PSMD5: variants seen among roughly 807,000 people sequenced by gnomAD.
PSMD5 encodes 26S proteasome non-ATPase regulatory subunit 5.
PSMD5 carries 40 observed loss-of-function variants against 52.1 expected under a neutral mutation model. The observed-to-expected ratio is 0.77, with a 90% CI of 0.60 to 1.00. The LOEUF is 1.00. Among genes scored for constraint, PSMD5 ranks in the 50% least tolerant of loss-of-function variants. PSMD5 has a pLI of 0.00. For synonymous variants in PSMD5, 211 were observed against 226.6 expected (o/e 0.93, Z 0.62); for missense variants, 575 against 605.2 (o/e 0.95, Z 0.52).
chr9:120,819,651 A>G (rs1239793830), intron 9 of PSMD5, among the ~76,000 whole-genome samples: 3 of 152,222 alleles, frequency 2.0e-5, no homozygotes, highest in Middle Eastern at 3.4e-3. Flanking sequence ...TGGCTAACAC[A>G]GTGAAACCCC....
intron 1 of PSMD5, among the ~76,000 whole-genome samples, chr9:120,837,015 G>A (rs1267245897): frequency 2.0e-5 from 3 of 151,152 alleles, no homozygotes; most frequent in South Asian, 2.1e-4. Flanking sequence ...TCAGCCTCCC[G>A]AGTAGCTGGG....
At chr9:120,818,878 C>T (rs1183289278) in intron 9 of PSMD5, among the ~76,000 whole-genome samples, 1 of 151,910 alleles carries the variant, frequency 6.6e-6, no homozygotes, top group Admixed American at 6.6e-5. Context: ...TTTAAGGATA[C>T]ACACAATATG....
intron 1 of PSMD5, 117 bp from the exon 2 acceptor site, chr9:120,833,573 A>T: frequency 9.3e-7 from 1 of 1,076,168 alleles, no homozygotes; most frequent in South Asian, 1.6e-5. Context: ...TTTTTGAAAC[A>T]GCAGCTTTCA....
At position 120,827,268 on chromosome 9, in the gene PSMD5, AT is replaced by A. The variant is rs1393677931; in HGVS notation, c.672-362del. On this transcript the variant is annotated intron_variant, in intron 5 of 9. Transcript: ENST00000210313. ...TAAGCCCCCATATACACATAACCTG[AT>A]TTTATGGTTATGAAGATTTTGCTTT... Among the ~76,000 whole-genome samples the A allele has an allele frequency of 3.4e-4, 51 of 152,208 alleles. 1 individual carries two copies. Among genetic ancestry groups the A allele is most frequent in the Admixed American group, 2.7e-3 (41 of 15,270 alleles).
intron 1 of PSMD5, among the ~76,000 whole-genome samples, chr9:120,836,777 C>T (rs2045200914): frequency 6.6e-6 from 1 of 152,056 alleles, no homozygotes; most frequent in African/African-American, 2.4e-5. Flanking sequence ...TTTGAAAGCT[C>T]CTTACATATT....
chr9:120,835,600 C>T (rs1039044916), intron 1 of PSMD5, among the ~76,000 whole-genome samples: 12 of 151,978 alleles, frequency 7.9e-5, no homozygotes, highest in Admixed American at 3.9e-4. Context: ...TGGTAGTGGG[C>T]GCCTGTAATC....
chr9:120,842,568 T>C, intron 1 of PSMD5, 169 bp downstream of exon 1: 2 of 822,816 alleles, frequency 2.4e-6, no homozygotes, highest in Non-Finnish European at 3.7e-6. Flanking sequence ...AGGCTGAACC[T>C]GAACCCCATC....
At chr9:120,837,215 G>C (rs113192766) in intron 1 of PSMD5, among the ~76,000 whole-genome samples, 2 of 152,092 alleles carry the variant, frequency 1.3e-5, no homozygotes, top group African/African-American at 4.8e-5. Context: ...GTAGAGACAG[G>C]GTTTCACCAT....
At chr9:120,842,189 G>C (rs188294065) in intron 1 of PSMD5, 1 of 155,114 alleles carries the variant, frequency 6.4e-6, no homozygotes, top group African/African-American at 2.4e-5. Context: ...TCTCGGGAAG[G>C]TTTGAAGCAC....
chr9:120,840,930 T>A (rs1040069644), intron 1 of PSMD5, among the ~76,000 whole-genome samples: 1 of 151,998 alleles, frequency 6.6e-6, no homozygotes, highest in African/African-American at 2.4e-5. Context: ...ACTTTTGTAT[T>A]TTTAGTAGAG....
intron 5 of PSMD5, among the ~76,000 whole-genome samples, chr9:120,828,026 T>C (rs2045134556): frequency 1.3e-5 from 2 of 152,260 alleles, no homozygotes; most frequent in Non-Finnish European, 2.9e-5. Flanking sequence ...GACGGAGTTT[T>C]GCTCTTGTTG....
intron 6 of PSMD5, 61 bp from the exon 7 acceptor site, chr9:120,824,746 C>T: frequency 7.2e-7 from 1 of 1,389,810 alleles, no homozygotes; most frequent in Non-Finnish European, 9.8e-7. Context: ...ATTGCGGGCT[C>T]TATGACTTCA....
At chr9:120,829,013 C>G (rs903382204) in intron 5 of PSMD5, 86 bp downstream of exon 5, 4 of 1,385,026 alleles carry the variant, frequency 2.9e-6, no homozygotes, top group Non-Finnish European at 3.8e-6. Context: ...GGCAAAGTCT[C>G]TAATAGAGAA....
chr9:120,836,397 CTT>C (rs34125901), intron 1 of PSMD5, among the ~76,000 whole-genome samples: 26 of 135,886 alleles, frequency 1.9e-4, no homozygotes, highest in Middle Eastern at 3.7e-3. Flanking sequence ...ATCATCTGTA[CTT>C]TTTTTTTTTT....
chr9:120,833,725 C>T (rs1394153439), intron 1 of PSMD5, among the ~76,000 whole-genome samples: 1 of 132,252 alleles, frequency 7.6e-6, no homozygotes, highest in African/African-American at 2.9e-5. Flanking sequence ...GTCGCCCAGG[C>T]TGGAGTGCAA....
At chr9:120,842,599 T>A (rs2045247941) in intron 1 of PSMD5, 138 bp downstream of exon 1, 1 of 1,048,992 alleles carries the variant, frequency 9.5e-7, no homozygotes, top group African/African-American at 1.6e-5. Context: ...GAACCCAGGA[T>A]CCTTCCTTCT....
At chr9:120,825,262 CTGA>C (rs1468604782) in intron 6 of PSMD5, among the ~76,000 whole-genome samples, 16 of 152,238 alleles carry the variant, frequency 1.1e-4, no homozygotes, top group African/African-American at 3.9e-4. Context: ...CTAAATAGCA[CTGA>C]TGTTTCCAGA....
At position 120,833,368 on chromosome 9, in the gene PSMD5, G is replaced by C. The variant is rs200814581; in HGVS notation, c.262C>G (p.Leu88Val). The C allele has an allele frequency of 3.1e-6, 5 of 1,614,014 alleles. No individual in the cohort carries two copies. The South Asian group carries it at 5.5e-5, about 18-fold the overall frequency. The change falls in exon 2 of 10, where the codon CTG (leucine) becomes GTG (valine). Residue 88 changes from leucine (L) to valine (V), a missense_variant. Transcript: ENST00000210313. ...TCAGGGTGAATTAGTCCCCTCTGCAGGTCAACCCTGAGGTTCCGGGCCACG... is the reference window on the plus strand; with the variant it reads ...TCAGGGTGAATTAGTCCCCTCTGCACGTCAACCCTGAGGTTCCGGGCCACG... ...VHVARNLRVD[L>V]QRGLIHPDDS...
At chr9:120,829,288 T>C in intron 4 of PSMD5, 80 bp from the exon 5 acceptor site, 1 of 1,365,898 alleles carries the variant, frequency 7.3e-7, no homozygotes, top group Non-Finnish European at 9.5e-7. Flanking sequence ...TTAAGTTAAA[T>C]GTAGGACTAG....
Sources: allele counts gnomAD v4.1 joint callset (sites outside exome capture counted in the v4.1 genomes callset), GRCh38; gene constraint gnomAD v4.1.1; transcripts MANE v1.5; gene names NCBI Gene and HGNC (gene_info 2026-07-23, HGNC 2026-07-21).